ASB14: variants seen among roughly 807,000 people sequenced by gnomAD.
ASB14 encodes ankyrin repeat and SOCS box containing 14.
In ASB14, 63 loss-of-function variants were observed where a neutral mutation model predicts 55.6. That is an observed-to-expected ratio of 1.13 (90% CI 0.92 to 1.40). The LOEUF (loss-of-function observed/expected upper bound fraction) is 1.40. ASB14 is among the 40% of genes most tolerant of loss of function. ASB14 has a pLI of 0.00. For synonymous variants in ASB14, 256 were observed against 259.9 expected, an observed-to-expected ratio of 0.98 and a Z score of 0.15; for missense variants, 724 against 710.4, an observed-to-expected ratio of 1.02 and a Z score of -0.22.
At chr3:57,288,089 T>G in intron 4 of ASB14, 30 bp from the exon 5 acceptor site, 1 of 1,535,630 alleles carries the variant, frequency 6.5e-7, no homozygotes, top group Non-Finnish European at 8.7e-7. Flanking sequence ...CCACACAAAT[T>G]AAGATATAGA....
chr3:57,283,241 G>A lies in ASB14; in HGVS notation c.668C>T (p.Ala223Val). ...GATTTCAGTGTGTCCACTTTGGGCA[G>A]CAAGAGCAAGAGGAGTGAATCCATA... ...STYGFTPLAL[A>V]AQSGHTEIME... The change falls in exon 6 of 11, where the codon GCT (alanine) becomes GTT (valine). Residue 223 changes from alanine (A) to valine (V), a missense_variant. Coordinates refer to ENST00000487349, the MANE Select transcript of ASB14 (RefSeq NM_001142733.3). 1 of 1,552,058 alleles carries A rather than the reference G, an allele frequency of 6.4e-7. No homozygotes were observed. The highest frequency in any genetic ancestry group is 8.7e-7 in the Non-Finnish European group (1 of 1,146,962).
intron 3 of ASB14, 95 bp downstream of exon 3, chr3:57,288,973 C>G (rs759668534): frequency 2.3e-5 from 22 of 970,266 alleles, no homozygotes; most frequent in Non-Finnish European, 3.2e-5. Context: ...CCACCTTGGC[C>G]TCCCAAAGTA....
At position 57,292,105 on chromosome 3, in the gene ASB14, C is replaced by T. The variant is rs917733400; in HGVS notation, c.-71-1G>A. 1.3e-5 allele frequency: 17 copies of T among 1,333,538 alleles called. No individual in the cohort carries two copies. Among genetic ancestry groups the T allele is most frequent in the Non-Finnish European group, 1.7e-5 (17 of 1,027,520 alleles). The allele number at this position is 1,333,538 out of a possible 1,614,324, so 82.6% of individuals were successfully genotyped here. On this transcript the variant is annotated splice_acceptor_variant, in intron 1 of 10. Coordinates refer to ENST00000487349, the MANE Select transcript of ASB14 (RefSeq NM_001142733.3). LOFTEE classifies it low-confidence loss of function (5UTR_SPLICE). ...ATTTTTCCAGTTGTGAAGAGATCAA[C>T]TGCTTAAAATTACAAATGAAATTCA... is the stretch of plus-strand genomic sequence containing the variant.
In ASB14 at chr3:57,280,355, A is replaced by C; in HGVS notation, c.834T>G (p.Pro278=). 6.4e-7 allele frequency: 1 copy of C among 1,551,186 alleles called. No homozygotes were observed. Among genetic ancestry groups the C allele is most frequent in the African/African-American group, 1.4e-5 (1 of 73,136 alleles). ...LLEYGADANI[P]KNSGHLPIHV... ...GGATGGGCAGGTGGCCTGAATTCTTAGGGATGTTGGCATCAGCTCCATACT... is the reference window on the plus strand; with the variant it reads ...GGATGGGCAGGTGGCCTGAATTCTTCGGGATGTTGGCATCAGCTCCATACT... Residue 278 remains proline, a synonymous_variant, in exon 7 of 11, where the codon CCT becomes CCG. Transcript: ENST00000487349.
In ASB14 at chr3:57,269,463, A is replaced by G. The variant is rs1373942541; in HGVS notation, c.*178T>C. On this transcript the variant is annotated 3_prime_UTR_variant, in exon 11 of 11. Transcript: ENST00000487349. Reference sequence around the variant, plus strand: ...ATTTATGACAGAAGAAGTGGCTCTCAAGAATGTATCTTAACTGCATAATTT... The same window carrying G: ...ATTTATGACAGAAGAAGTGGCTCTCGAGAATGTATCTTAACTGCATAATTT... The G allele has an allele frequency of 6.8e-7, 1 of 1,470,624 alleles. No homozygotes were observed. Among genetic ancestry groups the G allele is most frequent in the African/African-American group, 1.4e-5 (1 of 69,592 alleles). The allele number at this position is 1,470,624 out of a possible 1,614,324, so 91.1% of individuals were successfully genotyped here. A position where few individuals can be genotyped will look rare whatever the true frequency, so the allele number is the denominator to read the frequency against.
At position 57,292,100 on chromosome 3, in the gene ASB14, A is replaced by C. The variant is rs768997178; in HGVS notation, c.-67T>G. ...AAAGTATTTTTCCAGTTGTGAAGAGATCAACTGCTTAAAATTACAAATGAA... is the reference window on the plus strand; with the variant it reads ...AAAGTATTTTTCCAGTTGTGAAGAGCTCAACTGCTTAAAATTACAAATGAA... On this transcript the variant is annotated 5_prime_UTR_variant, in exon 2 of 11. Transcript: ENST00000487349. 11 of 1,355,270 alleles carry C rather than the reference A, an allele frequency of 8.1e-6. No homozygotes were observed. The highest frequency in any genetic ancestry group is 4.8e-6 in the Non-Finnish European group (5 of 1,040,916). 84.0% of individuals were successfully genotyped at this position (1,355,270 alleles called of 1,614,324 possible). A position where few individuals can be genotyped will look rare whatever the true frequency, so the allele number is the denominator to read the frequency against.
intron 10 of ASB14, chr3:57,271,689 C>T (rs1310338878): frequency 2.0e-5 from 3 of 152,212 alleles, no homozygotes; most frequent in Admixed American, 1.3e-4. Context: ...TTTATCAGCA[C>T]CCTGGGTCAT....
At chr3:57,291,384 T>G (rs1447756043) in intron 2 of ASB14, among the ~76,000 whole-genome samples, 2 of 76,328 alleles carry the variant, frequency 2.6e-5, no homozygotes, top group East Asian at 1.3e-3. Context: ...CCAGGACGAT[T>G]CTTCTTACAC....
intron 10 of ASB14, among the ~76,000 whole-genome samples, chr3:57,274,382 A>G (rs1400041050): frequency 6.6e-6 from 1 of 152,178 alleles, no homozygotes; most frequent in Non-Finnish European, 1.5e-5. Flanking sequence ...CTTTCCACAC[A>G]TAGAAATGTA....
intron 10 of ASB14, among the ~76,000 whole-genome samples, chr3:57,276,031 A>G (rs1255362816): frequency 1.3e-5 from 2 of 152,148 alleles, no homozygotes; most frequent in Admixed American, 1.3e-4. Flanking sequence ...CTTGGAACGT[A>G]TCCTCTGAAG....
Position 57,276,659 on chromosome 3 carries a change from C to T in ASB14, c.1655G>A (p.Arg552His), listed in dbSNP as rs150457384. ...IRKCMGRLHL[R>H]CPVFMSFLPL... ...AAGAAATGACATGAAGACAGGGCAG[C>T]GCAAATGTAACCGTCCCATGCATTT... is the stretch of plus-strand genomic sequence containing the variant. Residue 552 changes from arginine (R) to histidine (H), a missense_variant, in exon 10 of 11, where the codon CGC (arginine) becomes CAC (histidine). Transcript: ENST00000487349. 7.3e-5 allele frequency: 118 copies of T among 1,613,928 alleles called. 1 individual carries two copies. In the African/African-American group the frequency reaches 1.2e-3, roughly 16 times the overall value.
intron 5 of ASB14, 22 bp downstream of exon 5, chr3:57,287,879 C>A (rs1257998622): frequency 6.5e-7 from 1 of 1,535,258 alleles, no homozygotes; most frequent in Non-Finnish European, 8.7e-7. Flanking sequence ...CAGACTCTTT[C>A]AGAAACAATG....
intron 7 of ASB14, among the ~76,000 whole-genome samples, chr3:57,279,936 TACTC>T (rs1462038990): frequency 1.3e-5 from 2 of 152,012 alleles, no homozygotes; most frequent in African/African-American, 2.4e-5. Context: ...CCGTGTTAAT[TACTC>T]ACACGATGTG....
At chr3:57,276,107 C>T (rs934367031) in intron 10 of ASB14, among the ~76,000 whole-genome samples, 29 of 151,978 alleles carry the variant, frequency 1.9e-4, no homozygotes, top group African/African-American at 6.8e-4. Context: ...GTTATCTTGA[C>T]TTGTCAGAAG....
At chr3:57,275,114 G>A (rs1315512178) in intron 10 of ASB14, among the ~76,000 whole-genome samples, 1 of 152,086 alleles carries the variant, frequency 6.6e-6, no homozygotes. Context: ...GCCCCTTATC[G>A]CTGGTTTCCC....
chr3:57,291,828 C>T, intron 2 of ASB14, 84 bp downstream of exon 2: 1 of 1,231,024 alleles, frequency 8.1e-7, no homozygotes, highest in Non-Finnish European at 1.1e-6. Flanking sequence ...CTGTTTTTGT[C>T]ACAACACTAG....
At chr3:57,279,731 C>T (rs2061023586) in intron 7 of ASB14, among the ~76,000 whole-genome samples, 1 of 152,038 alleles carries the variant, frequency 6.6e-6, no homozygotes, top group Non-Finnish European at 1.5e-5. Context: ...GAAAGAAGCA[C>T]ACCTTCTTGG....
intron 3 of ASB14, 149 bp from the exon 4 acceptor site, chr3:57,288,435 ACAGT>A: frequency 1.1e-6 from 1 of 892,176 alleles, no homozygotes; most frequent in Non-Finnish European, 1.7e-6. Context: ...CATATGACAG[ACAGT>A]AAGGCCGGTC....
Position 57,268,510 on chromosome 3 carries a change from T to G in ASB14, c.*1131A>C. ...AAGGTATACAGTCCTAATGTCTGGA[T>G]CTTTATGTGTTGTTTGTGAAGACTT... is the stretch of plus-strand genomic sequence containing the variant. On this transcript the variant is annotated 3_prime_UTR_variant, in exon 11 of 11. Transcript: ENST00000487349. 2 of 1,557,462 alleles carry G rather than the reference T, an allele frequency of 1.3e-6. No homozygotes were observed. The highest frequency in any genetic ancestry group is 2.8e-5 in the African/African-American group (2 of 72,466).
Sources: gnomAD v4.1 joint callset for allele counts (sites outside exome capture counted in the v4.1 genomes callset) on GRCh38, gnomAD v4.1.1 for gene constraint, MANE v1.5 for transcripts, NCBI Gene and HGNC (gene_info 2026-07-23, HGNC 2026-07-21) for gene names.